Variants in CCDC91 observed in about 807,000 individuals in gnomAD.
CCDC91 encodes coiled-coil domain-containing protein 91.
CCDC91 carries 48 observed loss-of-function variants against 63.2 expected under a neutral mutation model. The ratio of observed to expected loss-of-function variants is 0.76; its 90% CI spans 0.60 to 0.97. The LOEUF (loss-of-function observed/expected upper bound fraction) is 0.97, where lower values mean the gene tolerates loss of function less well. Among genes scored for constraint, CCDC91 ranks in the 50% least tolerant of loss-of-function variants. CCDC91 has a pLI of 0.00. For missense variants in CCDC91, 500 were observed against 494.6 expected (o/e 1.01, Z -0.10); for synonymous variants, 167 against 165.8 (o/e 1.01, Z -0.06).
Position 28,452,481 on chromosome 12 carries a change from G to T in CCDC91, c.928G>T (p.Glu310Ter). Residue 310 changes from glutamate (E) to a stop codon, truncating the protein, a stop_gained, in exon 11 of 13, where the codon GAA becomes TAA. Transcript: ENST00000536442. LOFTEE classifies it high-confidence loss of function. ...KEALVSAAKL[E>*]KEAVKDAVLK... ...CTGGTCTTTATTTATTTTGAAGCTT[G>T]AAAAAGAAGCAGTGAAGGATGCAGT... The T allele has an allele frequency of 6.5e-7, 1 of 1,549,866 alleles. No individual in the cohort carries two copies. Among genetic ancestry groups the T allele is most frequent in the South Asian group, 1.2e-5 (1 of 81,822 alleles).
At chr12:28,379,966 A>G (rs1230321489) in intron 7 of CCDC91, among the ~76,000 whole-genome samples, 3 of 152,206 alleles carry the variant, frequency 2.0e-5, no homozygotes, top group East Asian at 1.9e-4. Flanking sequence ...AAAATGTGGC[A>G]CATATACACA....
chr12:28,317,326 T>C (rs1254290620), intron 6 of CCDC91, among the ~76,000 whole-genome samples: 1 of 152,046 alleles, frequency 6.6e-6, no homozygotes, highest in Non-Finnish European at 1.5e-5. Context: ...TTTTCCCTGC[T>C]GATTGCTGTT....
At chr12:28,320,948 G>A (rs1023014126) in intron 6 of CCDC91, among the ~76,000 whole-genome samples, 4 of 151,866 alleles carry the variant, frequency 2.6e-5, no homozygotes, top group African/African-American at 9.7e-5. Flanking sequence ...CTCATTGAAT[G>A]TTTACTTGTT....
At chr12:28,244,027 A>G (rs1393917624) in intron 1 of CCDC91, among the ~76,000 whole-genome samples, 1 of 152,258 alleles carries the variant, frequency 6.6e-6, no homozygotes, top group Non-Finnish European at 1.5e-5. Flanking sequence ...CAAACAGGAC[A>G]GTAGCAAATT....
intron 8 of CCDC91, among the ~76,000 whole-genome samples, chr12:28,405,316 T>A (rs1946868031): frequency 6.6e-6 from 1 of 152,146 alleles, no homozygotes; most frequent in African/African-American, 2.4e-5. Flanking sequence ...CCAAGTTTTT[T>A]TATCCTGGTG....
chr12:28,442,665 G>C (rs146007353), intron 8 of CCDC91, among the ~76,000 whole-genome samples: 1 of 152,106 alleles, frequency 6.6e-6, no homozygotes, highest in Admixed American at 6.5e-5. Flanking sequence ...ATCAAAAAAT[G>C]AGTATGAACT....
At chr12:28,526,183 G>C (rs1287853688) in intron 12 of CCDC91, among the ~76,000 whole-genome samples, 2 of 147,168 alleles carry the variant, frequency 1.4e-5, no homozygotes, top group African/African-American at 5.0e-5. Context: ...TTGTATTTTT[G>C]TTTTATAGGT....
intron 8 of CCDC91, among the ~76,000 whole-genome samples, chr12:28,402,289 G>T (rs919339963): frequency 1.3e-5 from 2 of 151,970 alleles, no homozygotes; most frequent in Non-Finnish European, 2.9e-5. Context: ...CTTTATTTTT[G>T]AATAGTTCTT....
At chr12:28,454,947 T>C (rs1035524188) in intron 11 of CCDC91, among the ~76,000 whole-genome samples, 14 of 152,080 alleles carry the variant, frequency 9.2e-5, no homozygotes, top group Non-Finnish European at 5.9e-5. Context: ...GTAAATTGAG[T>C]GTTTCCATGG....
chr12:28,360,110 C>T (rs935289607), intron 6 of CCDC91, among the ~76,000 whole-genome samples: 1 of 152,066 alleles, frequency 6.6e-6, no homozygotes, highest in African/African-American at 2.4e-5. Context: ...ATTTATAATC[C>T]TACTAACAAA....
chr12:28,346,552 T>C (rs1387283079), intron 6 of CCDC91, among the ~76,000 whole-genome samples: 1 of 152,182 alleles, frequency 6.6e-6, no homozygotes, highest in Non-Finnish European at 1.5e-5. Flanking sequence ...TATGGGAAAT[T>C]TATTGAATTC....
intron 6 of CCDC91, among the ~76,000 whole-genome samples, chr12:28,322,609 T>C (rs1940621069): frequency 6.6e-6 from 1 of 151,842 alleles, no homozygotes; most frequent in African/African-American, 2.4e-5. Context: ...CTTATTTTTT[T>C]CTCTGTCATA....
At chr12:28,259,732 C>T (rs553345829) in intron 3 of CCDC91, among the ~76,000 whole-genome samples, 2 of 151,836 alleles carry the variant, frequency 1.3e-5, no homozygotes, top group African/African-American at 4.8e-5. Context: ...AGGTGAGGTG[C>T]CCAATAACTT....
intron 6 of CCDC91, among the ~76,000 whole-genome samples, chr12:28,353,927 G>C (rs1943351866): frequency 6.6e-6 from 1 of 152,048 alleles, no homozygotes; most frequent in Admixed American, 6.6e-5. Context: ...AGAGGATCAG[G>C]AAAAACAACG....
chr12:28,298,353 A>T (rs1949676775), intron 3 of CCDC91, among the ~76,000 whole-genome samples: 1 of 135,772 alleles, frequency 7.4e-6, no homozygotes. Flanking sequence ...TCTGTTGCTG[A>T]TTGTTGAGTT....
In CCDC91 at chr12:28,306,821, T is replaced by A. The variant is rs765095119; in HGVS notation, c.347T>A (p.Ile116Asn). Residue 116 changes from isoleucine to asparagine, a missense_variant, in exon 5 of 13, where the codon ATT becomes AAT. Ile to Asn is a moderately radical substitution (Grantham distance 149, BLOSUM62 -3). Transcript: ENST00000536442. ...GLTDEKSNGT[I>N]ALVDDSEDPG... The stretch of plus-strand genomic sequence containing the variant: ...ACTGATGAAAAAAGTAATGGAACAA[T>A]TGCCCTTGTGGATGATTCTGAGGAT... 2 of 1,612,228 alleles carry A rather than the reference T, an allele frequency of 1.2e-6. No individual in the cohort carries two copies. The highest frequency in any genetic ancestry group is 1.7e-6 in the Non-Finnish European group (2 of 1,178,712).
At chr12:28,542,016 G>A (rs1942664342) in intron 12 of CCDC91, among the ~76,000 whole-genome samples, 1 of 151,960 alleles carries the variant, frequency 6.6e-6, no homozygotes, top group African/African-American at 2.4e-5. Flanking sequence ...TGTTTTTTAA[G>A]TTGTTTTGGA....
Position 28,488,678 on chromosome 12 carries a change from C to A in CCDC91, c.1215+4513C>A, listed in dbSNP as rs186249111. On this transcript the variant is annotated intron_variant, in intron 12 of 12. Transcript: ENST00000536442. ...TTCCATTGAACTTGGCAGAAATTAT[C>A]TAATTTTAATGGATTTAGACATTTC... Among the ~76,000 whole-genome samples the A allele has an allele frequency of 3.4e-3, 509 of 151,894 alleles. 5 individuals carry two copies. Among genetic ancestry groups the A allele is most frequent in the South Asian group, 6.2e-3 (30 of 4,822 alleles).
At chr12:28,309,967 C>A (rs1939148420) in intron 6 of CCDC91, among the ~76,000 whole-genome samples, 1 of 152,004 alleles carries the variant, frequency 6.6e-6, no homozygotes, top group South Asian at 2.1e-4. Flanking sequence ...CTTTTCTCCA[C>A]TACAGTGTAA....
Sources: gnomAD v4.1 joint callset for allele counts (sites outside exome capture counted in the v4.1 genomes callset) on GRCh38, gnomAD v4.1.1 for gene constraint, MANE v1.5 for transcripts, NCBI Gene and HGNC (gene_info 2026-07-23, HGNC 2026-07-21) for gene names.